Variants in RABGAP1L observed in about 807,000 individuals in gnomAD.
RABGAP1L encodes the protein RAB GTPase activating protein 1 like.
A neutral mutation model predicts 137.7 loss-of-function variants in RABGAP1L; 63 were observed. The ratio of observed to expected loss-of-function variants is 0.46; its 90% CI spans 0.37 to 0.56. The LOEUF is 0.56. Ranked by LOEUF, RABGAP1L falls within the 20% of genes least tolerant of loss-of-function variation. The pLI, the probability that RABGAP1L is intolerant of heterozygous loss-of-function variation, is 0.00. For synonymous variants in RABGAP1L, 431 were observed against 433.7 expected, an observed-to-expected ratio of 0.99 and a Z score of 0.08; for missense variants, 1,095 against 1,244.0, an observed-to-expected ratio of 0.88 and a Z score of 1.80.
intron 24 of RABGAP1L, among the ~76,000 whole-genome samples, chr1:174,986,115 T>C (rs958761821): frequency 1.3e-5 from 2 of 152,102 alleles, no homozygotes; most frequent in African/African-American, 4.8e-5. Flanking sequence ...ATTTTTGTAT[T>C]TTTAGTAGAA....
chr1:174,480,597 A>C (rs1010030617), intron 13 of RABGAP1L, among the ~76,000 whole-genome samples: 3 of 152,152 alleles, frequency 2.0e-5, no homozygotes, highest in Admixed American at 1.3e-4. Flanking sequence ...TTTTGTTCCA[A>C]CCCCTATGCT....
Position 174,550,917 on chromosome 1 carries a change from C to CATAT in RABGAP1L, c.1711-86457_1711-86456insTATA, listed in dbSNP as rs1553330146. 4.8e-3 allele frequency among the ~76,000 whole-genome samples: 467 copies of CATAT among 96,376 alleles called. 33 individuals are homozygous for CATAT. Among genetic ancestry groups the CATAT allele is most frequent in the African/African-American group, 0.02 (368 of 18,102 alleles). 63.2% of individuals were successfully genotyped at this position (96,376 alleles called of 152,430 possible). A position where few individuals can be genotyped will look rare whatever the true frequency, so the allele number is the denominator to read the frequency against. On this transcript the variant is annotated intron_variant, in intron 13 of 25. Transcript: ENST00000681986. Reference sequence around the variant, plus strand: ...ATATACACACACACATATACACACACACACATATATATATACACATATATA... The same window carrying CATAT: ...ATATACACACACACATATACACACACATATACACATATATATATACACATATATA...
chr1:174,472,992 T>C (rs766791630), intron 13 of RABGAP1L, among the ~76,000 whole-genome samples: 1 of 152,210 alleles, frequency 6.6e-6, no homozygotes, highest in Admixed American at 6.5e-5. Context: ...TATATGTCAC[T>C]CTGTTTTTCT....
intron 18 of RABGAP1L, among the ~76,000 whole-genome samples, chr1:174,759,704 C>A (rs1237800849): frequency 6.6e-6 from 1 of 152,070 alleles, no homozygotes; most frequent in Non-Finnish European, 1.5e-5. Context: ...AGGAAGCTTA[C>A]AATCATGGCA....
chr1:174,501,861 C>G (rs1458347596), intron 13 of RABGAP1L, among the ~76,000 whole-genome samples: 3 of 150,840 alleles, frequency 2.0e-5, no homozygotes, highest in Non-Finnish European at 4.4e-5. Context: ...CATATATGCT[C>G]TCTTTCTAGG....
At chr1:174,845,187 T>G (rs1421495210) in intron 19 of RABGAP1L, among the ~76,000 whole-genome samples, 1 of 116,906 alleles carries the variant, frequency 8.6e-6, no homozygotes, top group Non-Finnish European at 1.9e-5. Context: ...ACAATTTGAC[T>G]TCCTCTTTTC....
intron 17 of RABGAP1L, among the ~76,000 whole-genome samples, chr1:174,718,787 C>G (rs918625066): frequency 6.6e-6 from 1 of 151,784 alleles, no homozygotes; most frequent in African/African-American, 2.4e-5. Flanking sequence ...ACCAGTGTTC[C>G]CTCAGATGGG....
chr1:174,719,838 G>A (rs867310823), intron 17 of RABGAP1L, among the ~76,000 whole-genome samples: 46 of 152,284 alleles, frequency 3.0e-4, no homozygotes, highest in African/African-American at 1.1e-3. Flanking sequence ...ATTTTTGGAG[G>A]TGGTAGGAGT....
In RABGAP1L at chr1:174,788,501, T is replaced by G. The variant is rs182345194; in HGVS notation, c.2212-23331T>G. Among the ~76,000 whole-genome samples, 293 of 152,342 alleles carry G rather than the reference T, an allele frequency of 1.9e-3. 3 individuals carry two copies. The highest frequency in any genetic ancestry group is 6.9e-3 in the African/African-American group (287 of 41,580). Reference sequence around the variant, plus strand: ...CGTAGCACACCAGTCCAGGCTCTCATTTTCTCACATTCGATTGACTACAAG... The same window carrying G: ...CGTAGCACACCAGTCCAGGCTCTCAGTTTCTCACATTCGATTGACTACAAG... On this transcript the variant is annotated intron_variant, in intron 18 of 25. Transcript: ENST00000681986.
At chr1:174,502,516 A>T (rs1320241808) in intron 13 of RABGAP1L, among the ~76,000 whole-genome samples, 1 of 150,164 alleles carries the variant, frequency 6.7e-6, no homozygotes, top group Non-Finnish European at 1.5e-5. Flanking sequence ...CAAAACAGAA[A>T]AAAAGGAAAC....
Position 174,421,293 on chromosome 1 carries a change from C to T in RABGAP1L, c.1710+27148C>T, listed in dbSNP as rs151093431. Among the ~76,000 whole-genome samples, 10 of 152,244 alleles carry T rather than the reference C, an allele frequency of 6.6e-5. No individual in the cohort carries two copies. In the East Asian group the frequency reaches 1.9e-3, roughly 29 times the overall value. On this transcript the variant is annotated intron_variant, in intron 13 of 25. Coordinates refer to ENST00000681986, the MANE Select transcript of RABGAP1L (RefSeq NM_001366446.1). ...CTTCTTTGCTACCGTTAGAGTCTTA[C>T]GTACATCTTTTTCCTAGGCAACAAC...
chr1:174,364,241 TCC>T (rs1684393075), intron 11 of RABGAP1L, among the ~76,000 whole-genome samples: 1 of 137,254 alleles, frequency 7.3e-6, no homozygotes, highest in Non-Finnish European at 1.5e-5. Context: ...CTTTTGGATT[TCC>T]TTTTTTTTTT....
In RABGAP1L at chr1:174,974,629, G is replaced by A. The variant is rs190081568; in HGVS notation, c.2545-1449G>A. Among the ~76,000 whole-genome samples the A allele has an allele frequency of 2.7e-3, 416 of 152,248 alleles. 2 individuals carry two copies. The highest frequency in any genetic ancestry group is 4.6e-3 in the Non-Finnish European group (315 of 68,010). ...CTAATGCATCAGAGCAATTTTTAGA[G>A]TCTTAAAGACTTTTAAGGGACTTTT... On this transcript the variant is annotated intron_variant, in intron 21 of 25. Transcript: ENST00000681986.
At chr1:174,929,331 C>G (rs1316057373) in intron 19 of RABGAP1L, among the ~76,000 whole-genome samples, 1 of 152,122 alleles carries the variant, frequency 6.6e-6, no homozygotes, top group African/African-American at 2.4e-5. Flanking sequence ...TCTGAGATGC[C>G]ACTCTCCTGG....
chr1:174,939,972 A>G (rs1232699210), intron 19 of RABGAP1L, among the ~76,000 whole-genome samples: 1 of 152,234 alleles, frequency 6.6e-6, no homozygotes, highest in East Asian at 1.9e-4. Context: ...GCATCTACTA[A>G]GTATTCAGCT....
chr1:174,612,261 A>C (rs1314378306), intron 13 of RABGAP1L, among the ~76,000 whole-genome samples: 1 of 152,226 alleles, frequency 6.6e-6, no homozygotes, highest in Admixed American at 6.5e-5. Flanking sequence ...AGTTTTTAGC[A>C]TGAAGCATTG....
At chr1:174,637,546 C>G in intron 14 of RABGAP1L, 58 bp downstream of exon 14, 1 of 1,280,250 alleles carries the variant, frequency 7.8e-7, no homozygotes. Flanking sequence ...TTTTAGAAAC[C>G]CATTTAAGGA....
intron 22 of RABGAP1L, among the ~76,000 whole-genome samples, chr1:174,977,179 G>C (rs1670717750): frequency 6.6e-6 from 1 of 152,170 alleles, no homozygotes; most frequent in Non-Finnish European, 1.5e-5. Flanking sequence ...GGAGGAATGT[G>C]TCATTTAGCA....
At chr1:174,245,362 A>G (rs1453803228) in intron 5 of RABGAP1L, 1 of 152,222 alleles carries the variant, frequency 6.6e-6, no homozygotes, top group African/African-American at 2.4e-5. Context: ...GTGAGCCACC[A>G]CACCCAGTGG....
Sources: gnomAD v4.1 joint callset for allele counts (sites outside exome capture counted in the v4.1 genomes callset) on GRCh38, gnomAD v4.1.1 for gene constraint, MANE v1.5 for transcripts, NCBI Gene and HGNC (gene_info 2026-07-23, HGNC 2026-07-21) for gene names.